NEBL: variants seen among roughly 807,000 people sequenced by gnomAD.
NEBL encodes nebulette.
In NEBL, 122 loss-of-function variants were observed where a neutral mutation model predicts 140.2. That is an observed-to-expected ratio of 0.87 (90% confidence interval 0.75 to 1.01). The LOEUF is 1.01. Among genes scored for constraint, NEBL ranks in the 50% least tolerant of loss-of-function variants. NEBL has a pLI of 0.00. For missense variants in NEBL, 1,365 were observed against 1,231.3 expected (o/e 1.11, Z -1.62); for synonymous variants, 436 against 398.9 (o/e 1.09, Z -1.11).
intron 3 of NEBL, among the ~76,000 whole-genome samples, chr10:20,995,946 C>T (rs553107714): frequency 6.6e-6 from 1 of 152,172 alleles, no homozygotes; most frequent in South Asian, 2.1e-4. Context: ...AAAAAATCTG[C>T]ACCTCCATAC....
intron 3 of NEBL, among the ~76,000 whole-genome samples, chr10:21,182,545 T>C (rs1841404366): frequency 6.6e-6 from 1 of 152,178 alleles, no homozygotes; most frequent in South Asian, 2.1e-4. Context: ...TTAAGACAAA[T>C]ATTCCCATTT....
chr10:20,986,892 T>C (rs1837277256), intron 3 of NEBL, among the ~76,000 whole-genome samples: 1 of 152,210 alleles, frequency 6.6e-6, no homozygotes, highest in African/African-American at 2.4e-5. Flanking sequence ...TCTTTTCTTC[T>C]TTTTATTTCA....
At chr10:20,877,533 A>C (rs1249570590) in intron 5 of NEBL, among the ~76,000 whole-genome samples, 1 of 152,226 alleles carries the variant, frequency 6.6e-6, no homozygotes, top group African/African-American at 2.4e-5. Flanking sequence ...AGCTGCAGAC[A>C]TACACAAGTG....
At chr10:20,953,442 C>G (rs188543696) in intron 4 of NEBL, among the ~76,000 whole-genome samples, 2 of 152,024 alleles carry the variant, frequency 1.3e-5, no homozygotes, top group East Asian at 1.9e-4. Flanking sequence ...AAATTTCTGT[C>G]GCTTTACGCT....
intron 2 of NEBL, among the ~76,000 whole-genome samples, chr10:21,033,983 T>C (rs1474466689): frequency 6.6e-6 from 1 of 150,958 alleles, no homozygotes; most frequent in East Asian, 1.9e-4. Flanking sequence ...CTGGGCAAAA[T>C]AGCGAAAACT....
chr10:21,128,053 G>C (rs901720003), intron 2 of NEBL, among the ~76,000 whole-genome samples: 73 of 152,104 alleles, frequency 4.8e-4, no homozygotes, highest in Non-Finnish European at 1.9e-4. Context: ...CTATATTTTT[G>C]TAAAAAGGAA....
At chr10:20,952,638 C>T (rs956425951) in intron 4 of NEBL, among the ~76,000 whole-genome samples, 1 of 151,940 alleles carries the variant, frequency 6.6e-6, no homozygotes, top group South Asian at 2.1e-4. Flanking sequence ...GGTACAGTGG[C>T]TCACGCCTGT....
At chr10:20,788,511 C>T (rs931296586) in intron 26 of NEBL, among the ~76,000 whole-genome samples, 1 of 151,996 alleles carries the variant, frequency 6.6e-6, no homozygotes, top group African/African-American at 2.4e-5. Context: ...CAGAAAATTA[C>T]AAATCATTTA....
intron 4 of NEBL, 95 bp downstream of exon 4, chr10:20,888,002 C>G: frequency 1.2e-6 from 1 of 854,288 alleles, no homozygotes; most frequent in Non-Finnish European, 2.0e-6. Flanking sequence ...GTATTTAACA[C>G]CCATGATGAA....
chr10:21,279,795 T>C (rs1198713515), intron 1 of NEBL, among the ~76,000 whole-genome samples: 3 of 151,526 alleles, frequency 2.0e-5, no homozygotes, highest in Non-Finnish European at 4.4e-5. Context: ...TCTTAGTTTG[T>C]GGGCTGTACA....
intron 2 of NEBL, among the ~76,000 whole-genome samples, chr10:21,022,741 G>T (rs1838847296): frequency 6.6e-6 from 1 of 152,098 alleles, no homozygotes; most frequent in Non-Finnish European, 1.5e-5. Flanking sequence ...AGTTTGTAAA[G>T]GTAAATAACC....
At chr10:21,221,030 C>G (rs929144832) in intron 3 of NEBL, among the ~76,000 whole-genome samples, 2 of 152,066 alleles carry the variant, frequency 1.3e-5, no homozygotes, top group African/African-American at 4.8e-5. Context: ...GTGGCATGCA[C>G]CTGGAGTCCC....
chr10:20,950,995 T>C (rs899369461), intron 4 of NEBL, among the ~76,000 whole-genome samples: 4 of 152,144 alleles, frequency 2.6e-5, no homozygotes, highest in African/African-American at 9.7e-5. Context: ...TGTGGCCTGG[T>C]ATGGTGGCTC....
At chr10:21,078,108 G>A (rs1184307243) in intron 2 of NEBL, among the ~76,000 whole-genome samples, 1 of 152,126 alleles carries the variant, frequency 6.6e-6, no homozygotes, top group Non-Finnish European at 1.5e-5. Context: ...GCATTCTATG[G>A]GGGATCGAAA....
At chr10:20,963,039 C>CACACACACACACAT (rs1253708759) in intron 3 of NEBL, among the ~76,000 whole-genome samples, 14 of 150,308 alleles carry the variant, frequency 9.3e-5, no homozygotes, top group African/African-American at 3.2e-4. Context: ...CACACACACA[C>CACACACACACACAT]ACACACACGG....
At chr10:21,027,152 A>C (rs1212166478) in intron 2 of NEBL, among the ~76,000 whole-genome samples, 1 of 152,164 alleles carries the variant, frequency 6.6e-6, no homozygotes, top group Admixed American at 6.5e-5. Flanking sequence ...CACATGAATA[A>C]GCAGGACTGT....
At chr10:20,956,435 T>A (rs1835809746) in intron 4 of NEBL, among the ~76,000 whole-genome samples, 1 of 152,180 alleles carries the variant, frequency 6.6e-6, no homozygotes, top group African/African-American at 2.4e-5. Flanking sequence ...TGGGAATTCA[T>A]CAGTTATTGG....
At chr10:21,265,048 G>A (rs995573196) in intron 1 of NEBL, among the ~76,000 whole-genome samples, 12 of 151,762 alleles carry the variant, frequency 7.9e-5, no homozygotes, top group Admixed American at 2.0e-4. Context: ...TCAGCCTCCC[G>A]AGTAGCTGGG....
intron 5 of NEBL, among the ~76,000 whole-genome samples, chr10:20,879,886 G>A (rs1054621778): frequency 5.9e-5 from 9 of 152,148 alleles, no homozygotes; most frequent in African/African-American, 1.9e-4. Context: ...CACCAGGATG[G>A]TGGTGGTAAT....
Sources: gnomAD v4.1 joint callset for allele counts (sites outside exome capture counted in the v4.1 genomes callset) on GRCh38, gnomAD v4.1.1 for gene constraint, MANE v1.5 for transcripts, NCBI Gene and HGNC (gene_info 2026-07-23, HGNC 2026-07-21) for gene names.